The following HCN1 variants were observed in gnomAD, a reference collection of about 807,000 sequenced individuals.
HCN1 encodes the protein potassium/sodium hyperpolarization-activated cyclic nucleotide-gated channel 1.
Under a neutral mutation model 78.9 loss-of-function variants are expected in HCN1, and 13 were observed. That is an observed-to-expected ratio of 0.16 (90% CI 0.11 to 0.26). The LOEUF is 0.26. Among genes scored for constraint, HCN1 ranks in the 10% least tolerant of loss-of-function variants. The pLI, the probability that HCN1 is intolerant of heterozygous loss-of-function variation, is 1.00. For missense variants in HCN1, 810 were observed against 1,154.3 expected, an observed-to-expected ratio of 0.70 and a Z score of 4.32; for synonymous variants, 552 against 455.5, an observed-to-expected ratio of 1.21 and a Z score of -2.70.
intron 3 of HCN1, among the ~76,000 whole-genome samples, chr5:45,420,071 T>G (rs1392343240): frequency 6.6e-6 from 1 of 152,212 alleles, no homozygotes; most frequent in Non-Finnish European, 1.5e-5. Flanking sequence ...ATCTATGCAC[T>G]GAAGAAAGCC....
chr5:45,286,222 C>T (rs1300323218), intron 6 of HCN1, among the ~76,000 whole-genome samples: 1 of 151,484 alleles, frequency 6.6e-6, no homozygotes, highest in Non-Finnish European at 1.5e-5. Context: ...AAATATATAC[C>T]TTATTAGAAA....
intron 3 of HCN1, among the ~76,000 whole-genome samples, chr5:45,433,044 A>G (rs1169427874): frequency 1.3e-5 from 2 of 152,070 alleles, no homozygotes; most frequent in East Asian, 1.9e-4. Flanking sequence ...CAGCACATGG[A>G]AAGACCCCCA....
At chr5:45,314,510 C>A (rs1003062448) in intron 5 of HCN1, among the ~76,000 whole-genome samples, 5 of 152,080 alleles carry the variant, frequency 3.3e-5, no homozygotes, top group African/African-American at 1.2e-4. Flanking sequence ...TCACATATAA[C>A]AATATTAACC....
Position 45,461,837 on chromosome 5 carries a change from T to A in HCN1, c.1011+9A>T, listed in dbSNP as rs1741167875. 6.2e-7 allele frequency: 1 copy of A among 1,611,576 alleles called. No homozygotes were observed. The highest frequency in any genetic ancestry group is 8.5e-7 in the Non-Finnish European group (1 of 1,178,114). On this transcript the variant is annotated intron_variant, in intron 3 of 7. Transcript: ENST00000303230. ...AAAGTCAGAGTGTAAAATAACAGAATTTACTTACAACCATTTCATTTAAAG... is the reference window on the plus strand; with the variant it reads ...AAAGTCAGAGTGTAAAATAACAGAAATTACTTACAACCATTTCATTTAAAG...
intron 5 of HCN1, among the ~76,000 whole-genome samples, chr5:45,334,439 G>A (rs1746411039): frequency 6.6e-6 from 1 of 151,426 alleles, no homozygotes; most frequent in Non-Finnish European, 1.5e-5. Context: ...TTTCTCAACA[G>A]TGTTAGTAGG....
chr5:45,412,280 G>T (rs1039258869), intron 3 of HCN1, among the ~76,000 whole-genome samples: 6 of 152,086 alleles, frequency 3.9e-5, no homozygotes, highest in Non-Finnish European at 7.4e-5. Flanking sequence ...GGGAATAAAG[G>T]TTAACAAAGT....
At chr5:45,381,410 T>G (rs1747804507) in intron 4 of HCN1, among the ~76,000 whole-genome samples, 1 of 152,048 alleles carries the variant, frequency 6.6e-6, no homozygotes, top group Non-Finnish European at 1.5e-5. Flanking sequence ...ATAGATAAAT[T>G]ACAAACTACA....
intron 7 of HCN1, among the ~76,000 whole-genome samples, chr5:45,266,740 ACT>A (rs1744866505): frequency 1.4e-5 from 2 of 142,280 alleles, no homozygotes; most frequent in Non-Finnish European, 3.0e-5. Context: ...ACAAGGTTTC[ACT>A]CTCTCTCCCA....
At chr5:45,467,037 C>T (rs1031085746) in intron 2 of HCN1, among the ~76,000 whole-genome samples, 1 of 152,124 alleles carries the variant, frequency 6.6e-6, no homozygotes, top group African/African-American at 2.4e-5. Flanking sequence ...CAAGTATTGT[C>T]CCATACTCAT....
At chr5:45,568,340 A>C (rs1743750897) in intron 2 of HCN1, among the ~76,000 whole-genome samples, 1 of 152,052 alleles carries the variant, frequency 6.6e-6, no homozygotes, top group Non-Finnish European at 1.5e-5. Flanking sequence ...TGATTCAGAA[A>C]AGCTACAAGA....
intron 2 of HCN1, chr5:45,642,012 A>G (rs562284579): frequency 2.0e-5 from 3 of 152,152 alleles, no homozygotes; most frequent in Non-Finnish European, 4.4e-5. Context: ...CACAATAACA[A>G]CAACGACAAT....
At chr5:45,645,146 T>C in intron 2 of HCN1, 39 bp downstream of exon 2, 1 of 1,460,284 alleles carries the variant, frequency 6.8e-7, no homozygotes, top group Non-Finnish European at 9.5e-7. Flanking sequence ...ATTAACAATT[T>C]CATGATATAG....
chr5:45,350,533 G>C (rs1431453483), intron 5 of HCN1, among the ~76,000 whole-genome samples: 1 of 151,536 alleles, frequency 6.6e-6, no homozygotes, highest in Admixed American at 6.6e-5. Flanking sequence ...AGGGCAATCA[G>C]GCAGGAGAAG....
At chr5:45,311,520 C>T (rs1745851324) in intron 5 of HCN1, among the ~76,000 whole-genome samples, 1 of 152,160 alleles carries the variant, frequency 6.6e-6, no homozygotes, top group Admixed American at 6.5e-5. Flanking sequence ...AAATATTTGG[C>T]ATAAACACCC....
Position 45,386,179 on chromosome 5 carries a change from AT to A in HCN1, c.1230+10312del, listed in dbSNP as rs10696140. ...GTTCCTCCTTCTTGCTTGCTTATAG[AT>A]TTTTTTTTTTTTTTGGACAGGGCCT... On this transcript the variant is annotated intron_variant, in intron 4 of 7. Transcript: ENST00000303230. Among the ~76,000 whole-genome samples, 621 of 137,746 alleles carry A rather than the reference AT, an allele frequency of 4.5e-3. 2 individuals carry two copies. The highest frequency in any genetic ancestry group is 0.014 in the East Asian group (64 of 4,684). The allele number at this position is 137,746 out of a possible 152,430, so 90.4% of individuals were successfully genotyped here. A position where few individuals can be genotyped will look rare whatever the true frequency, so the allele number is the denominator to read the frequency against.
chr5:45,428,724 G>A (rs1020242078), intron 3 of HCN1, among the ~76,000 whole-genome samples: 1 of 151,846 alleles, frequency 6.6e-6, no homozygotes, highest in Non-Finnish European at 1.5e-5. Context: ...AACCAAATTT[G>A]GGCTTGAAAT....
intron 2 of HCN1, chr5:45,617,231 T>G (rs906786750): frequency 3.3e-5 from 5 of 152,136 alleles, no homozygotes; most frequent in Admixed American, 3.3e-4. Context: ...AAGTTAATAA[T>G]GTCTGTCAAC....
chr5:45,523,464 C>G (rs1384540752), intron 2 of HCN1, among the ~76,000 whole-genome samples: 1 of 152,116 alleles, frequency 6.6e-6, no homozygotes, highest in Non-Finnish European at 1.5e-5. Context: ...AACTAGTTTA[C>G]AGTCCCACCA....
chr5:45,494,597 G>T (rs112099236), intron 2 of HCN1, among the ~76,000 whole-genome samples: 59,603 of 150,790 alleles, frequency 0.4, 13,812 homozygotes, highest in African/African-American at 0.64. Flanking sequence ...AGAAGCTCTT[G>T]AGTTTAATTA....
Sources: gnomAD v4.1 joint callset for allele counts (sites outside exome capture counted in the v4.1 genomes callset) on GRCh38, gnomAD v4.1.1 for gene constraint, MANE v1.5 for transcripts, NCBI Gene and HGNC (gene_info 2026-07-23, HGNC 2026-07-21) for gene names.